Variants in ZDHHC7 observed in about 807,000 individuals in gnomAD.
ZDHHC7 encodes zDHHC palmitoyltransferase 7, also known as palmitoyltransferase ZDHHC7.
Under a neutral mutation model 34.1 loss-of-function variants are expected in ZDHHC7, and 12 were observed. The observed-to-expected ratio is 0.35, with a 90% CI of 0.23 to 0.57. The LOEUF (loss-of-function observed/expected upper bound fraction) is 0.57. Ranked by LOEUF, ZDHHC7 falls within the 20% of genes least tolerant of loss-of-function variation. The pLI is 0.84. For missense variants in ZDHHC7, 388 were observed against 402.7 expected (o/e 0.96, Z 0.31); for synonymous variants, 185 against 155.4 (o/e 1.19, Z -1.42).
At chr16:85,006,018 G>C (rs1476600163) in intron 1 of ZDHHC7, among the ~76,000 whole-genome samples, 3 of 152,132 alleles carry the variant, frequency 2.0e-5, no homozygotes, top group African/African-American at 7.2e-5. Context: ...CTAACTTCAA[G>C]GGTCACTAGA....
intron 1 of ZDHHC7, among the ~76,000 whole-genome samples, chr16:85,009,323 TC>T (rs2072758339): frequency 1.3e-5 from 2 of 152,100 alleles, no homozygotes; most frequent in South Asian, 4.1e-4. Flanking sequence ...TCAAGATTGT[TC>T]TTATATAAAG....
At chr16:85,026,620 GT>G in the ZDHHC7 span, among the ~76,000 whole-genome samples, 11 of 151,070 alleles carry the variant, frequency 7.3e-5, no homozygotes, top group Admixed American at 7.3e-4. Flanking sequence ...TCTGCTTGGG[GT>G]GTGGGACAGG....
At chr16:84,993,127 A>T (rs1311322486) in intron 2 of ZDHHC7, among the ~76,000 whole-genome samples, 1 of 152,156 alleles carries the variant, frequency 6.6e-6, no homozygotes, top group Non-Finnish European at 1.5e-5. Flanking sequence ...GTTTGAGATC[A>T]GCCTGGGCAA....
rs1171826286 is a variant in ZDHHC7 at position 85,011,399 on chromosome 16, G to C, written c.-217C>G. On this transcript the variant is annotated 5_prime_UTR_variant, in exon 1 of 8. Transcript: ENST00000313732. Reference sequence around the variant, plus strand: ...CATCATGCGGCCGCGCTCATGGCCGGGCTGGAGCGGGCCCCGCGGCTCGGC... The same window carrying C: ...CATCATGCGGCCGCGCTCATGGCCGCGCTGGAGCGGGCCCCGCGGCTCGGC... 6.6e-6 allele frequency: 1 copy of C among 152,666 alleles called. No individual in the cohort carries two copies. Among genetic ancestry groups the C allele is most frequent in the Non-Finnish European group, 1.5e-5 (1 of 67,982 alleles). The allele number at this position is 152,666 out of a possible 1,614,324, so 9.5% of individuals were successfully genotyped here.
At chr16:84,982,019 T>C (rs760170996) in intron 3 of ZDHHC7, 25 bp from the exon 4 acceptor site, 41 of 1,613,176 alleles carry the variant, frequency 2.5e-5, no homozygotes, top group Admixed American at 5.0e-5. Flanking sequence ...GAATGTACTT[T>C]AGTTGGGGAG....
At chr16:85,011,543 A>G (rs1326888040), upstream of ZDHHC7, 2 of 152,226 alleles carry the variant, frequency 1.3e-5, no homozygotes, top group African/African-American at 4.8e-5. Context: ...AGTGAACCCG[A>G]CGAGGTCAGT....
intron 3 of ZDHHC7, chr16:84,988,788 G>A (rs1334414118): frequency 6.4e-7 from 1 of 1,551,710 alleles, no homozygotes; most frequent in Non-Finnish European, 8.7e-7. Context: ...CACAGACTCG[G>A]TTCCCTCACC....
At chr16:84,980,244 C>T (rs181196139) in intron 4 of ZDHHC7, among the ~76,000 whole-genome samples, 1,792 of 151,190 alleles carry the variant, frequency 0.012, 36 homozygotes, top group African/African-American at 0.041. Flanking sequence ...GGATTACAGG[C>T]GTGAGCCACC....
At chr16:84,977,757 G>C (rs2072316974) in intron 6 of ZDHHC7, among the ~76,000 whole-genome samples, 167 bp downstream of exon 6, 1 of 152,252 alleles carries the variant, frequency 6.6e-6, no homozygotes, top group Admixed American at 6.5e-5. Flanking sequence ...CAATATACTA[G>C]TAAAATGGTG....
chr16:84,983,573 G>T (rs769508453), intron 3 of ZDHHC7, among the ~76,000 whole-genome samples: 13 of 152,198 alleles, frequency 8.5e-5, no homozygotes, highest in Non-Finnish European at 1.9e-4. Context: ...TCCAAACAAG[G>T]CCCCGTCAGT....
At chr16:85,026,305 A>G in the ZDHHC7 span, among the ~76,000 whole-genome samples, 1 of 152,056 alleles carries the variant, frequency 6.6e-6, no homozygotes, top group Non-Finnish European at 1.5e-5. Flanking sequence ...TGCTGGACTC[A>G]CGGCAGAACC....
chr16:84,976,946 G>T, intron 7 of ZDHHC7, 149 bp downstream of exon 7: 1 of 1,213,210 alleles, frequency 8.2e-7, no homozygotes, highest in Non-Finnish European at 1.1e-6. Flanking sequence ...GAAAGAAACA[G>T]CAAACACAGG....
chr16:85,021,422 A>AAAAG, the ZDHHC7 span, among the ~76,000 whole-genome samples: 1 of 150,044 alleles, frequency 6.7e-6, no homozygotes, highest in Non-Finnish European at 1.5e-5. Flanking sequence ...AAAAAAAAAA[A>AAAAG]AAAAAGCCAG....
At chr16:84,982,745 G>A (rs1212651610) in intron 3 of ZDHHC7, among the ~76,000 whole-genome samples, 3 of 152,272 alleles carry the variant, frequency 2.0e-5, no homozygotes, top group African/African-American at 7.2e-5. Flanking sequence ...CTGGCAACGA[G>A]GCCGCCCAGC....
At chr16:85,011,007 C>T (rs2072783718) in intron 1 of ZDHHC7, among the ~76,000 whole-genome samples, 2 of 152,248 alleles carry the variant, frequency 1.3e-5, no homozygotes, top group South Asian at 4.1e-4. Context: ...AAAACCAGGG[C>T]TCGGAGAGCT....
In ZDHHC7 at chr16:84,981,985, G is replaced by A. The variant is rs2072376219; in HGVS notation, c.325C>T (p.Pro109Ser). The A allele has an allele frequency of 1.9e-6, 3 of 1,613,996 alleles. No individual in the cohort carries two copies. In the African/African-American group the frequency reaches 4.0e-5, roughly 22 times the overall value. The change falls in exon 4 of 8, where the codon CCC (proline) becomes TCC (serine). Residue 109 changes from proline (P) to serine (S), a missense_variant. By Grantham distance (74) the Pro-to-Ser change is moderately conservative. Coordinates refer to ENST00000313732, the MANE Select transcript of ZDHHC7 (RefSeq NM_017740.3). ...TATTCTTTCGTAGCGTTTCCTTTGG[G>A]TACTGCCCCCTACCATATAAGAAGA... ...RTMLTDPGAV[P>S]KGNATKEYME...
the ZDHHC7 span, among the ~76,000 whole-genome samples, chr16:85,021,580 TG>T: frequency 6.6e-6 from 1 of 151,774 alleles, no homozygotes; most frequent in African/African-American, 2.4e-5. Context: ...TAGCTGGGCA[TG>T]GTGGCATGCA....
chr16:85,002,488 C>T (rs1338005771), intron 1 of ZDHHC7, among the ~76,000 whole-genome samples: 2 of 152,034 alleles, frequency 1.3e-5, no homozygotes, highest in African/African-American at 4.8e-5. Context: ...CAAACAAGTC[C>T]CAAGAGAAGA....
At chr16:85,009,045 CA>C (rs58054151) in intron 1 of ZDHHC7, among the ~76,000 whole-genome samples, 66,291 of 138,696 alleles carry the variant, frequency 0.48, 15,329 homozygotes, top group African/African-American at 0.56. Flanking sequence ...AACTCCGTCT[CA>C]AAAAAAAAAA....
Sources: allele counts gnomAD v4.1 joint callset (sites outside exome capture counted in the v4.1 genomes callset), GRCh38; gene constraint gnomAD v4.1.1; transcripts MANE v1.5; gene names NCBI Gene and HGNC (gene_info 2026-07-23, HGNC 2026-07-21).